FLT1: variants seen among roughly 807,000 people sequenced by gnomAD.
FLT1 encodes the protein vascular endothelial growth factor receptor 1.
In FLT1, 49 loss-of-function variants were observed where a neutral mutation model predicts 156.3. The observed-to-expected ratio is 0.31, with a 90% CI of 0.25 to 0.40. The LOEUF is 0.40. FLT1 is among the 10% of genes least tolerant of loss of function. The probability of loss-of-function intolerance (pLI) is 1.00; values close to 1 mark genes in which losing one functional copy is unlikely to be tolerated. For missense variants in FLT1, 1,322 were observed against 1,637.2 expected, an observed-to-expected ratio of 0.81 and a Z score of 3.32; for synonymous variants, 594 against 583.8, an observed-to-expected ratio of 1.02 and a Z score of -0.25.
chr13:28,409,860 CT>C (rs548371737), intron 10 of FLT1, among the ~76,000 whole-genome samples: 2,333 of 143,350 alleles, frequency 0.016, 39 homozygotes, highest in African/African-American at 0.043. Context: ...GATTCCATGG[CT>C]TTTTTTTTTT....
chr13:28,419,441 T>C (rs548692529), intron 10 of FLT1, among the ~76,000 whole-genome samples: 1 of 152,366 alleles, frequency 6.6e-6, no homozygotes, highest in African/African-American at 2.4e-5. Context: ...AAAATGCTCA[T>C]TCAATTTTTA....
intron 10 of FLT1, among the ~76,000 whole-genome samples, chr13:28,416,920 T>A (rs1366845545): frequency 6.6e-6 from 1 of 152,208 alleles, no homozygotes; most frequent in Admixed American, 6.5e-5. Context: ...GAAATTGGAA[T>A]AACATGCACC....
At chr13:28,350,835 T>G (rs1475677093) in intron 15 of FLT1, among the ~76,000 whole-genome samples, 3 of 152,018 alleles carry the variant, frequency 2.0e-5, no homozygotes, top group Admixed American at 2.0e-4. Flanking sequence ...GTTAACTTAG[T>G]GTTAGCTATT....
chr13:28,313,405 A>C (rs1871083945), intron 25 of FLT1, among the ~76,000 whole-genome samples: 1 of 152,198 alleles, frequency 6.6e-6, no homozygotes, highest in Admixed American at 6.5e-5. Context: ...ACACTGCATT[A>C]AGAATTGATT....
chr13:28,322,419 G>A lies in FLT1; in HGVS notation c.2954-60C>T, dbSNP rs1871498446. 5 of 1,070,386 alleles carry A rather than the reference G, an allele frequency of 4.7e-6. No individual in the cohort carries two copies. The highest frequency in any genetic ancestry group is 5.8e-6 in the Non-Finnish European group (4 of 686,672). 66.3% of individuals were successfully genotyped at this position (1,070,386 alleles called of 1,614,324 possible). On this transcript the variant is annotated intron_variant, in intron 21 of 29. Transcript: ENST00000282397. The surrounding 1 kb of genome is among the most constrained non-coding windows in gnomAD (Gnocchi z 4.3). ...GCTCTTGTTATCCCACCAAATCCCA[G>A]TTTATTGGAACAATGTTAGCAAAAC...
chr13:28,365,088 C>T (rs966229101), intron 14 of FLT1, among the ~76,000 whole-genome samples: 5 of 152,000 alleles, frequency 3.3e-5, no homozygotes, highest in African/African-American at 7.3e-5. Flanking sequence ...AATACTTTGA[C>T]GTACAAAAAT....
intron 25 of FLT1, among the ~76,000 whole-genome samples, chr13:28,312,520 A>G (rs925496207): frequency 2.0e-5 from 3 of 152,230 alleles, no homozygotes; most frequent in Non-Finnish European, 4.4e-5. Flanking sequence ...TTAAAAAAAA[A>G]AAAAGTCATA....
chr13:28,447,843 C>G (rs979806082), intron 3 of FLT1, among the ~76,000 whole-genome samples: 1 of 150,080 alleles, frequency 6.7e-6, no homozygotes, highest in Admixed American at 6.7e-5. Flanking sequence ...TATTATATCT[C>G]TAGAACATAT....
chr13:28,412,354 T>TTC (rs1177581760), intron 10 of FLT1, among the ~76,000 whole-genome samples: 3 of 110,984 alleles, frequency 2.7e-5, no homozygotes, highest in Non-Finnish European at 5.5e-5. Flanking sequence ...TTCTTTCTCT[T>TTC]TCTTTCTTTC....
chr13:28,462,428 C>G (rs1392886110), intron 3 of FLT1, among the ~76,000 whole-genome samples: 1 of 152,182 alleles, frequency 6.6e-6, no homozygotes, highest in Non-Finnish European at 1.5e-5. Flanking sequence ...CATTACTGTT[C>G]TTCTAGAAAT....
rs1014160326 is a variant in FLT1, at chr13:28,434,063, C to T, written c.671G>A (p.Arg224Gln). ...HLYKTNYLTH[R>Q]QTNTIIDVQI... Reference sequence around the variant, plus strand: ...GCCTTTGAAGCATCACTTACTTTGTCGATGTGTGAGATAGTTTGTCTTATA... The same window carrying T: ...GCCTTTGAAGCATCACTTACTTTGTTGATGTGTGAGATAGTTTGTCTTATA... Residue 224 changes from arginine to glutamine, a missense_variant, in exon 5 of 30, where the codon CGA becomes CAA. Around this residue, in one of 3 missense-constraint regions of FLT1, gnomAD observed 991 missense variants for 1,254.8 expected, o/e 0.79. Coordinates refer to ENST00000282397, the MANE Select transcript of FLT1 (RefSeq NM_002019.4). 15 of 1,614,020 alleles carry T rather than the reference C, an allele frequency of 9.3e-6. No homozygotes were observed. In the Admixed American group the frequency reaches 1.0e-4, roughly 11 times the overall value.
chr13:28,396,358 G>A (rs775741350), intron 12 of FLT1, among the ~76,000 whole-genome samples: 1 of 152,148 alleles, frequency 6.6e-6, no homozygotes, highest in Non-Finnish European at 1.5e-5. Context: ...CTTCCTTCCT[G>A]TACCCATTGA....
rs1877851016 is a variant in FLT1, at chr13:28,433,812, C to A, written c.813+7G>T. The stretch of plus-strand genomic sequence containing the variant: ...CTGCAGAAGAAATAGAAAAATGGGT[C>A]ACTCACTTCATCAGGGTAACTCCAG... On this transcript the variant is annotated splice_region_variant and intron_variant, in intron 6 of 29. Transcript: ENST00000282397. 6 of 1,613,430 alleles carry A rather than the reference C, an allele frequency of 3.7e-6. No homozygotes were observed. Among genetic ancestry groups the A allele is most frequent in the Non-Finnish European group, 5.1e-6 (6 of 1,179,416 alleles).
intron 1 of FLT1, among the ~76,000 whole-genome samples, chr13:28,482,911 G>A (rs192991671): frequency 1.4e-4 from 21 of 152,338 alleles, no homozygotes; most frequent in African/African-American, 4.6e-4. Flanking sequence ...TGAAGACAGA[G>A]GATGGGATGG....
intron 16 of FLT1, among the ~76,000 whole-genome samples, chr13:28,342,962 CTCTCTCTT>C (rs1369028246): frequency 1.4e-4 from 21 of 151,664 alleles, no homozygotes; most frequent in Non-Finnish European, 2.9e-4. Context: ...CTCTCTCTCT[CTCTCTCTT>C]TCTTTCTTTC....
In FLT1 at chr13:28,482,430, A is replaced by T. The variant is rs529629033; in HGVS notation, c.64+12350T>A. 3.3e-5 allele frequency among the ~76,000 whole-genome samples: 5 copies of T among 152,128 alleles called. No individual in the cohort carries two copies. The South Asian group carries it at 8.3e-4, about 25-fold the overall frequency. ...ACAACAAAAGTGAAACTCCATCTCA[A>T]AAAAAAGCCTGGACAACAAAAGTAA... On this transcript the variant is annotated intron_variant, in intron 1 of 29. Transcript: ENST00000282397.
At chr13:28,485,534 A>G (rs1881102387) in intron 1 of FLT1, among the ~76,000 whole-genome samples, 1 of 152,152 alleles carries the variant, frequency 6.6e-6, no homozygotes, top group African/African-American at 2.4e-5. Context: ...GTTATTTACT[A>G]TAATAAGTTA....
In FLT1 at chr13:28,443,598, T is replaced by G. The variant is rs560695325; in HGVS notation, c.389-5253A>C. 4.6e-5 allele frequency among the ~76,000 whole-genome samples: 7 copies of G among 152,334 alleles called. No individual in the cohort carries two copies. In the East Asian group the frequency reaches 1.3e-3, roughly 29 times the overall value. ...TTTTTATCCTGGTCATGAGGACATC[T>G]AGTCATTTTAAAGGAGGGTATGATT... On this transcript the variant is annotated intron_variant, in intron 3 of 29. Coordinates refer to ENST00000282397, the MANE Select transcript of FLT1 (RefSeq NM_002019.4).
rs747434441 is a variant in FLT1, at chr13:28,329,609, C to T, written c.2707+6G>A. 3.1e-6 allele frequency: 5 copies of T among 1,604,816 alleles called. No individual in the cohort carries two copies. Among genetic ancestry groups the T allele is most frequent in the Middle Eastern group, 1.7e-4 (1 of 5,980 alleles). Reference sequence around the variant, plus strand: ...AGACGGAGCCGGCCCTCCCCTTCTCCATTACCTCCTTGCTTGGTGCAGGCT... The same window carrying T: ...AGACGGAGCCGGCCCTCCCCTTCTCTATTACCTCCTTGCTTGGTGCAGGCT... On this transcript the variant is annotated splice_donor_region_variant and intron_variant, in intron 19 of 29. Transcript: ENST00000282397.
Sources: gnomAD v4.1 joint callset for allele counts (sites outside exome capture counted in the v4.1 genomes callset) on GRCh38, gnomAD v4.1.1 for gene constraint, gnomAD v4.1.1 regional missense constraint, Gnocchi (gnomAD v3.1) non-coding constraint, MANE v1.5 for transcripts, NCBI Gene and HGNC (gene_info 2026-07-23, HGNC 2026-07-21) for gene names.